ZNF292: variants seen among roughly 807,000 people sequenced by gnomAD.
ZNF292 encodes the protein 16 zinc-finger domain protein.
Under a neutral mutation model 217.9 loss-of-function variants are expected in ZNF292, and 26 were observed. That is an observed-to-expected ratio of 0.12 (90% confidence interval 0.09 to 0.17). The LOEUF is 0.17. Among genes scored for constraint, ZNF292 ranks in the 10% least tolerant of loss-of-function variants. The probability of loss-of-function intolerance (pLI) is 1.00; values close to 1 mark genes in which losing one functional copy is unlikely to be tolerated. For synonymous variants in ZNF292, 1,257 were observed against 1,124.1 expected, an observed-to-expected ratio of 1.12 and a Z score of -2.37; for missense variants, 2,904 against 3,175.2, an observed-to-expected ratio of 0.91 and a Z score of 2.05.
chr6:87,168,964 C>A (rs1031902655), intron 1 of ZNF292, among the ~76,000 whole-genome samples: 1 of 151,924 alleles, frequency 6.6e-6, no homozygotes, highest in East Asian at 1.9e-4. Flanking sequence ...TCTGTAGATG[C>A]TATGTAAATA....
At chr6:87,242,745 G>C (rs1476980948) in intron 5 of ZNF292, among the ~76,000 whole-genome samples, 5 of 151,986 alleles carry the variant, frequency 3.3e-5, no homozygotes, top group Non-Finnish European at 7.4e-5. Flanking sequence ...AAGTCTGTTC[G>C]TTTTATATAG....
chr6:87,246,721 A>G (rs544302938), intron 7 of ZNF292, among the ~76,000 whole-genome samples: 1 of 152,166 alleles, frequency 6.6e-6, no homozygotes, highest in African/African-American at 2.4e-5. Flanking sequence ...TACAAAAGTT[A>G]GCCAGAATTG....
chr6:87,227,829 A>G (rs1037250059), intron 4 of ZNF292, among the ~76,000 whole-genome samples: 2 of 152,004 alleles, frequency 1.3e-5, no homozygotes, highest in African/African-American at 4.8e-5. Context: ...CATTTTGTTT[A>G]TTTATTTATC....
intron 1 of ZNF292, among the ~76,000 whole-genome samples, chr6:87,201,553 C>T (rs997019838): frequency 6.6e-6 from 1 of 152,178 alleles, no homozygotes; most frequent in African/African-American, 2.4e-5. Context: ...TACAGGCATG[C>T]ACCACCACAC....
intron 1 of ZNF292, among the ~76,000 whole-genome samples, chr6:87,192,907 A>T (rs548957773): frequency 6.6e-6 from 1 of 152,306 alleles, no homozygotes; most frequent in Admixed American, 6.5e-5. Flanking sequence ...ATTTCCAGGG[A>T]TCTTAATGGA....
chr6:87,236,840 C>G (rs921881163), intron 5 of ZNF292, among the ~76,000 whole-genome samples: 1 of 152,150 alleles, frequency 6.6e-6, no homozygotes, highest in Non-Finnish European at 1.5e-5. Flanking sequence ...CAACCTTATT[C>G]TTTCTCATGG....
rs1247245274 is a variant in ZNF292, at chr6:87,238,100, CTG to C, written c.741+4577_741+4578del. 2.0e-5 allele frequency among the ~76,000 whole-genome samples: 3 copies of C among 152,030 alleles called. No homozygotes were observed. The East Asian group carries it at 5.8e-4, about 29-fold the overall frequency. On this transcript the variant is annotated intron_variant, in intron 5 of 7. Coordinates refer to ENST00000369577, the MANE Select transcript of ZNF292 (RefSeq NM_015021.3). ...GTATGCCTATGAGAAATGAAGTTTG[CTG>C]TGTTACTGAATGTAGCAGATGTTTC...
intron 4 of ZNF292, among the ~76,000 whole-genome samples, chr6:87,226,076 T>A (rs1428269645): frequency 6.6e-6 from 1 of 152,192 alleles, no homozygotes; most frequent in African/African-American, 2.4e-5. Flanking sequence ...CTAAGACAAC[T>A]CCCTATTATA....
rs75971468 is a variant in ZNF292 at position 87,250,037 on chromosome 6, CAAAA to C, written c.1020+4401_1020+4404del. On this transcript the variant is annotated intron_variant, in intron 7 of 7. Transcript: ENST00000369577. Reference sequence around the variant, plus strand: ...CTGGTAACCCTTAAAAAAAAAAAAACAAAAAAAAAAACTCCAGGAATTGAAGACT... The same window carrying C: ...CTGGTAACCCTTAAAAAAAAAAAAACAAAAAAACTCCAGGAATTGAAGACT... Among the ~76,000 whole-genome samples the C allele has an allele frequency of 2.5e-5, 2 of 79,660 alleles. 1 individual carries two copies. Among genetic ancestry groups the C allele is most frequent in the Non-Finnish European group, 5.4e-5 (2 of 36,916 alleles). 52.3% of individuals were successfully genotyped at this position (79,660 alleles called of 152,430 possible). A position where few individuals can be genotyped will look rare whatever the true frequency, so the allele number is the denominator to read the frequency against.
At position 87,256,672 on chromosome 6, in the gene ZNF292, G is replaced by T. The variant is rs188290220; in HGVS notation, c.3043G>T (p.Asp1015Tyr). Residue 1015 changes from aspartate to tyrosine, a missense_variant, in exon 8 of 8, where the codon GAC (aspartate) becomes TAC (tyrosine). This residue lies in a region of ZNF292 where 687 missense variants were observed against 623.0 expected (regional missense o/e 1.10). Coordinates refer to ENST00000369577, the MANE Select transcript of ZNF292 (RefSeq NM_015021.3). ...LVNSETLKIG[D>Y]LTPQNLERQV... Reference sequence around the variant, plus strand: ...AAATTCAGAAACTCTCAAAATAGGTGACCTTACCCCACAAAACTTAGAAAG... The same window carrying T: ...AAATTCAGAAACTCTCAAAATAGGTTACCTTACCCCACAAAACTTAGAAAG... 4.2e-5 allele frequency: 68 copies of T among 1,613,392 alleles called. No homozygotes were observed. The Admixed American group carries it at 1.1e-3, about 27-fold the overall frequency.
Position 87,254,884 on chromosome 6 carries a change from G to C in ZNF292, c.1255G>C (p.Glu419Gln). 6.2e-7 allele frequency: 1 copy of C among 1,613,792 alleles called. No homozygotes were observed. Among genetic ancestry groups the C allele is most frequent in the Non-Finnish European group, 8.5e-7 (1 of 1,179,770 alleles). Residue 419 changes from glutamate (E) to glutamine (Q), a missense_variant, in exon 8 of 8, where the codon GAA becomes CAA. Transcript: ENST00000369577. ...LYNQPDQKYDEENLPIPNSLR... is the reference protein window; with the variant it reads ...LYNQPDQKYDQENLPIPNSLR... ...TAATCAGCCAGACCAGAAATATGATGAAGAGAATCTTCCAATACCAAATTC... is the reference window on the plus strand; with the variant it reads ...TAATCAGCCAGACCAGAAATATGATCAAGAGAATCTTCCAATACCAAATTC...
intron 4 of ZNF292, among the ~76,000 whole-genome samples, chr6:87,227,224 G>A (rs1044634172): frequency 6.6e-6 from 1 of 152,154 alleles, no homozygotes; most frequent in African/African-American, 2.4e-5. Flanking sequence ...AAGTTACCAT[G>A]AGCAGTAGTC....
chr6:87,256,524 A>C lies in ZNF292; in HGVS notation c.2895A>C (p.Ala965=). 1 of 1,613,104 alleles carries C rather than the reference A, an allele frequency of 6.2e-7. No individual in the cohort carries two copies. Among genetic ancestry groups the C allele is most frequent in the Non-Finnish European group, 8.5e-7 (1 of 1,179,822 alleles). ...ENSTVEGSGE[A]LVTDLHTPVE... is the part of the protein sequence containing the mutation. ...CAACTGTGGAAGGCAGTGGTGAAGC[A>C]CTGGTCACAGACTTACATACGCCAG... Residue 965 remains alanine, a synonymous_variant, in exon 8 of 8, where the codon GCA becomes GCC. Transcript: ENST00000369577.
At chr6:87,209,774 A>G (rs1772404661) in intron 1 of ZNF292, among the ~76,000 whole-genome samples, 1 of 152,220 alleles carries the variant, frequency 6.6e-6, no homozygotes. Context: ...CTTGTTTATA[A>G]GTAAGTAAAA....
At chr6:87,215,304 C>G (rs1305859267) in intron 1 of ZNF292, among the ~76,000 whole-genome samples, 1 of 151,942 alleles carries the variant, frequency 6.6e-6, no homozygotes. Flanking sequence ...TAAAAAAACA[C>G]TATTACAAAA....
At chr6:87,205,661 C>G (rs1408337492) in intron 1 of ZNF292, among the ~76,000 whole-genome samples, 1 of 151,968 alleles carries the variant, frequency 6.6e-6, no homozygotes, top group African/African-American at 2.4e-5. Flanking sequence ...TTTCTCATTT[C>G]CAATACTGTT....
chr6:87,258,230 C>T lies in ZNF292; in HGVS notation c.4601C>T (p.Pro1534Leu). 1 of 1,612,484 alleles carries T rather than the reference C, an allele frequency of 6.2e-7. No homozygotes were observed. The highest frequency in any genetic ancestry group is 8.5e-7 in the Non-Finnish European group (1 of 1,179,364). Residue 1534 changes from proline to leucine, a missense_variant, in exon 8 of 8, where the codon CCA (proline) becomes CTA (leucine). Coordinates refer to ENST00000369577, the MANE Select transcript of ZNF292 (RefSeq NM_015021.3). ...NATVMPNPTV[P>L]PLLHTVCHPN... is the part of the protein sequence containing the mutation. ...ACGGTGATGCCAAATCCAACTGTAC[C>T]ACCCCTGTTGCACACTGTATGCCAT...
rs770791844 is a variant in ZNF292 at position 87,254,761 on chromosome 6, T to C, written c.1132T>C (p.Leu378=). 1 of 1,613,988 alleles carries C rather than the reference T, an allele frequency of 6.2e-7. No individual in the cohort carries two copies. The highest frequency in any genetic ancestry group is 8.5e-7 in the Non-Finnish European group (1 of 1,179,852). ...ATCTATTTGCAAGACCATTTCATGTTTGTTGCCTGATGATCTGGAAGTTAA... is the reference window on the plus strand; with the variant it reads ...ATCTATTTGCAAGACCATTTCATGTCTGTTGCCTGATGATCTGGAAGTTAA... ...KISICKTISC[L]LPDDLEVKRA... is the part of the protein sequence containing the mutation. Residue 378 remains leucine, a synonymous_variant, in exon 8 of 8, where the codon TTG becomes CTG. Coordinates refer to ENST00000369577, the MANE Select transcript of ZNF292 (RefSeq NM_015021.3).
rs2127880518 is a variant in ZNF292, at chr6:87,262,885, A to G, written c.*1084A>G. The G allele has an allele frequency of 6.6e-6, 1 of 152,174 alleles. No individual in the cohort carries two copies. Among genetic ancestry groups the G allele is most frequent in the East Asian group, 1.9e-4 (1 of 5,184 alleles). The allele number at this position is 152,174 out of a possible 1,614,324, so 9.4% of individuals were successfully genotyped here. On this transcript the variant is annotated 3_prime_UTR_variant, in exon 8 of 8. Coordinates refer to ENST00000369577, the MANE Select transcript of ZNF292 (RefSeq NM_015021.3). ...CATTTTTATAAATCTTAAAATTGAT[A>G]TCATCAAAGTGAGCCCATCTTGTGT...
Sources: gnomAD v4.1 joint callset for allele counts (sites outside exome capture counted in the v4.1 genomes callset) on GRCh38, gnomAD v4.1.1 for gene constraint, gnomAD v4.1.1 regional missense constraint, MANE v1.5 for transcripts, NCBI Gene and HGNC (gene_info 2026-07-23, HGNC 2026-07-21) for gene names.